The following TOGARAM2 variants were observed in gnomAD, a reference collection of about 807,000 sequenced individuals.
The protein encoded by TOGARAM2 is TOG array regulator of axonemal microtubules 2, also known as TOG array regulator of axonemal microtubules protein 2.
In TOGARAM2, 85 loss-of-function variants were observed where a neutral mutation model predicts 93.3. The observed-to-expected ratio is 0.91, with a 90% CI of 0.76 to 1.09. TOGARAM2 has a LOEUF of 1.09. Ranked by LOEUF, TOGARAM2 falls within the 50% of genes least tolerant of loss-of-function variation. The probability of loss-of-function intolerance (pLI) is 0.00; values close to 1 mark genes in which losing one functional copy is unlikely to be tolerated. For missense variants in TOGARAM2, 1,277 were observed against 1,334.5 expected (o/e 0.96, Z 0.67); for synonymous variants, 593 against 552.8 (o/e 1.07, Z -1.02).
At chr2:29,009,643 G>A (rs193205577) in intron 6 of TOGARAM2, among the ~76,000 whole-genome samples, 4 of 152,126 alleles carry the variant, frequency 2.6e-5, no homozygotes, top group Admixed American at 2.0e-4. Context: ...ACAGATACTG[G>A]CACCCTTCTT....
At chr2:28,959,558 C>A (rs191436817) in intron 1 of TOGARAM2, among the ~76,000 whole-genome samples, 53 of 152,188 alleles carry the variant, frequency 3.5e-4, no homozygotes, top group African/African-American at 1.2e-3. Context: ...TCATGACCAT[C>A]CTGGCTAACA....
At chr2:28,992,335 C>T (rs1365310573) in intron 1 of TOGARAM2, among the ~76,000 whole-genome samples, 1 of 152,128 alleles carries the variant, frequency 6.6e-6, no homozygotes, top group Non-Finnish European at 1.5e-5. Flanking sequence ...AGATCCTGCA[C>T]TAGACCCTGG....
intron 1 of TOGARAM2, among the ~76,000 whole-genome samples, chr2:28,993,769 C>G (rs1415519517): frequency 6.6e-6 from 1 of 152,174 alleles, no homozygotes; most frequent in African/African-American, 2.4e-5. Flanking sequence ...CTAGGAGCTA[C>G]TCTGCCTTCT....
chr2:29,015,260 A>C (rs1664492145), intron 8 of TOGARAM2, among the ~76,000 whole-genome samples: 1 of 152,086 alleles, frequency 6.6e-6, no homozygotes, highest in African/African-American at 2.4e-5. Context: ...ACAAACAATG[A>C]TTCAGTGCAG....
chr2:29,020,965 G>A (rs1391103522), intron 10 of TOGARAM2, among the ~76,000 whole-genome samples: 2 of 152,186 alleles, frequency 1.3e-5, no homozygotes, highest in East Asian at 3.8e-4. Context: ...CCAGGCTGGA[G>A]TGCAGTGACA....
intron 1 of TOGARAM2, among the ~76,000 whole-genome samples, chr2:28,959,794 A>G (rs1048277543): frequency 1.3e-5 from 2 of 152,220 alleles, no homozygotes; most frequent in Non-Finnish European, 2.9e-5. Context: ...CACGCCACTT[A>G]AAGTAAAACA....
chr2:29,051,441 C>G (rs894064370), intron 19 of TOGARAM2: 5 of 205,924 alleles, frequency 2.4e-5, no homozygotes, highest in Admixed American at 2.4e-4. Flanking sequence ...CTGGAGGAAC[C>G]ATTATGATTG....
At position 29,035,581 on chromosome 2, in the gene TOGARAM2, C is replaced by A. The variant is rs146038049; in HGVS notation, c.2343C>A (p.Ser781=). Residue 781 remains serine (S), a synonymous_variant, in exon 17 of 20, where the codon TCC becomes TCA. Transcript: ENST00000379558. The part of the protein sequence containing the change: ...TRLLEAKDFR[S]RMEGVGQLLE... ...TGCTGGAGGCCAAGGACTTCCGGTCCCGGATGGAAGGCGTGGGGCAGCTCC... is the reference window on the plus strand; with the variant it reads ...TGCTGGAGGCCAAGGACTTCCGGTCACGGATGGAAGGCGTGGGGCAGCTCC... The A allele has an allele frequency of 8.2e-4, 1,310 of 1,591,532 alleles. 2 individuals carry two copies. Among genetic ancestry groups the A allele is most frequent in the Non-Finnish European group, 1.0e-3 (1,195 of 1,168,566 alleles).
upstream of TOGARAM2, among the ~76,000 whole-genome samples, chr2:28,977,827 T>C (rs1461587591): frequency 1.3e-5 from 2 of 152,122 alleles, no homozygotes; most frequent in Non-Finnish European, 2.9e-5. Context: ...GCACCTCTTT[T>C]CTAGAGAGTC....
intron 18 of TOGARAM2, among the ~76,000 whole-genome samples, chr2:29,041,651 A>G (rs1377168160): frequency 6.6e-6 from 1 of 152,136 alleles, no homozygotes; most frequent in Non-Finnish European, 1.5e-5. Flanking sequence ...CCTCCACCTC[A>G]TTGTAGAGAG....
intron 9 of TOGARAM2, among the ~76,000 whole-genome samples, 158 bp downstream of exon 9, chr2:29,017,462 A>T (rs1664655279): frequency 6.6e-6 from 1 of 152,188 alleles, no homozygotes. Flanking sequence ...GCTAAAGGGC[A>T]GTGACACAAT....
At position 29,022,316 on chromosome 2, in the gene TOGARAM2, G is replaced by A; in HGVS notation, c.1511+8G>A. 1 of 1,613,766 alleles carries A rather than the reference G, an allele frequency of 6.2e-7. No individual in the cohort carries two copies. The highest frequency in any genetic ancestry group is 2.2e-5 in the East Asian group (1 of 44,870). On this transcript the variant is annotated splice_region_variant and intron_variant, in intron 11 of 19. Coordinates refer to ENST00000379558, the MANE Select transcript of TOGARAM2 (RefSeq NM_199280.4). Reference sequence around the variant, plus strand: ...CCTCAACAGCAGTGACTGGTGAGGAGATGCTTCCACCACGTGCTGTGTTCT... The same window carrying A: ...CCTCAACAGCAGTGACTGGTGAGGAAATGCTTCCACCACGTGCTGTGTTCT...
At position 29,029,687 on chromosome 2, in the gene TOGARAM2, C is replaced by T. The variant is rs113386736; in HGVS notation, c.2012+2676C>T. The stretch of plus-strand genomic sequence containing the variant: ...AGGAGAATGGCGTGAACCCGGGAGG[C>T]GGAGCTTGCAGTGAACCGAGATCGC... On this transcript the variant is annotated intron_variant, in intron 14 of 19. Transcript: ENST00000379558. Among the ~76,000 whole-genome samples the T allele has an allele frequency of 1.4e-4, 20 of 144,672 alleles. No individual in the cohort carries two copies. The East Asian group carries it at 2.8e-3, about 20-fold the overall frequency. 94.9% of individuals were successfully genotyped at this position (144,672 alleles called of 152,430 possible).
chr2:29,002,414 ATCTC>A, intron 4 of TOGARAM2, 118 bp from the exon 5 acceptor site: 2 of 815,664 alleles, frequency 2.5e-6, no homozygotes, highest in African/African-American at 1.7e-5. Context: ...GACAGATCTG[ATCTC>A]TCTCCTCGCC....
At chr2:29,033,344 C>A in intron 15 of TOGARAM2, 125 bp from the exon 16 acceptor site, 1 of 915,570 alleles carries the variant, frequency 1.1e-6, no homozygotes, top group Non-Finnish European at 1.7e-6. Flanking sequence ...GAAGGCTCAA[C>A]TGTGACATCT....
chr2:28,985,289 C>T (rs1018601623), intron 1 of TOGARAM2, among the ~76,000 whole-genome samples: 6 of 152,056 alleles, frequency 3.9e-5, no homozygotes, highest in African/African-American at 1.4e-4. Flanking sequence ...TCAGCTGGCA[C>T]CTTGATCTTG....
At chr2:29,003,390 G>T in intron 5 of TOGARAM2, 102 bp from the exon 6 acceptor site, 1 of 1,030,640 alleles carries the variant, frequency 9.7e-7, no homozygotes, top group Non-Finnish European at 1.3e-6. Context: ...TGGTGTGGCT[G>T]AAAAGAGACA....
chr2:29,014,323 C>A (rs2148328920), intron 7 of TOGARAM2, 72 bp from the exon 8 acceptor site: 1 of 1,526,132 alleles, frequency 6.6e-7, no homozygotes, highest in Non-Finnish European at 8.9e-7. Flanking sequence ...TAGAATTGAG[C>A]CAGCCACAGG....
At chr2:29,032,330 C>T (rs1264624895) in intron 14 of TOGARAM2, among the ~76,000 whole-genome samples, 3 of 152,180 alleles carry the variant, frequency 2.0e-5, no homozygotes, top group Admixed American at 2.0e-4. Flanking sequence ...AACCCTGTTC[C>T]TCCGACGTAT....
Sources: gnomAD v4.1 joint callset for allele counts (sites outside exome capture counted in the v4.1 genomes callset) on GRCh38, gnomAD v4.1.1 for gene constraint, MANE v1.5 for transcripts, NCBI Gene and HGNC (gene_info 2026-07-23, HGNC 2026-07-21) for gene names.